Variants in THSD7B observed in about 807,000 individuals in gnomAD.
THSD7B encodes the protein thrombospondin type-1 domain-containing protein 7B.
THSD7B carries 138 observed loss-of-function variants against 213.6 expected under a neutral mutation model. The observed-to-expected ratio is 0.65, with a 90% CI of 0.56 to 0.74. The LOEUF is 0.74. Among genes scored for constraint, THSD7B ranks in the 30% least tolerant of loss-of-function variants. THSD7B has a pLI of 0.00. For missense variants in THSD7B, 1,931 were observed against 1,991.5 expected, an observed-to-expected ratio of 0.97 and a Z score of 0.58; for synonymous variants, 742 against 687.0, an observed-to-expected ratio of 1.08 and a Z score of -1.25.
chr2:137,208,188 G>A (rs1190319562), intron 7 of THSD7B, among the ~76,000 whole-genome samples: 1 of 152,084 alleles, frequency 6.6e-6, no homozygotes, highest in African/African-American at 2.4e-5. Flanking sequence ...AAAGACATAT[G>A]TGATTAACTT....
At chr2:136,769,758 G>T (rs1472584824) in intron 1 of THSD7B, among the ~76,000 whole-genome samples, 1 of 152,136 alleles carries the variant, frequency 6.6e-6, no homozygotes, top group African/African-American at 2.4e-5. Flanking sequence ...ACGTTAAAAA[G>T]AAGAGGTCCA....
intron 3 of THSD7B, 24 bp from the exon 4 acceptor site, chr2:137,094,849 A>G (rs750558970): frequency 1.9e-6 from 3 of 1,604,276 alleles, no homozygotes; most frequent in African/African-American, 1.3e-5. Flanking sequence ...ATGGCCTCCT[A>G]TTTTCTACTT....
chr2:137,629,996 A>ATT (rs5834566), intron 20 of THSD7B, among the ~76,000 whole-genome samples: 1 of 147,782 alleles, frequency 6.8e-6, no homozygotes, highest in Non-Finnish European at 1.5e-5. Context: ...CCCAACTTCA[A>ATT]TTTTTTTTTT....
intron 3 of THSD7B, among the ~76,000 whole-genome samples, chr2:137,076,012 C>A (rs1297649452): frequency 6.6e-6 from 1 of 152,180 alleles, no homozygotes. Flanking sequence ...GGGTGCCTCC[C>A]AGTTAGGCTA....
At chr2:137,045,245 G>T (rs1686949349) in intron 2 of THSD7B, among the ~76,000 whole-genome samples, 1 of 151,138 alleles carries the variant, frequency 6.6e-6, no homozygotes, top group Non-Finnish European at 1.5e-5. Context: ...AACACTTTAT[G>T]ACTCCTCTTT....
chr2:136,987,660 C>T (rs1257316628), intron 2 of THSD7B, among the ~76,000 whole-genome samples: 3 of 152,202 alleles, frequency 2.0e-5, no homozygotes, highest in Admixed American at 6.5e-5. Flanking sequence ...TGCTCCAAGA[C>T]TGGTGTCATA....
intron 2 of THSD7B, among the ~76,000 whole-genome samples, chr2:137,042,987 G>A (rs907529075): frequency 2.6e-5 from 4 of 152,202 alleles, no homozygotes; most frequent in African/African-American, 7.2e-5. Context: ...GCCCAGCTTG[G>A]AAAGGGTAAT....
chr2:137,601,235 A>G (rs1682070890), intron 17 of THSD7B, among the ~76,000 whole-genome samples: 1 of 152,210 alleles, frequency 6.6e-6, no homozygotes, highest in Admixed American at 6.5e-5. Context: ...AAAGTCTACC[A>G]TAGTGTACAG....
rs192989458 is a variant in THSD7B at position 137,150,954 on chromosome 2, C to T, written c.1370-9259C>T. Among the ~76,000 whole-genome samples, 21 of 152,198 alleles carry T rather than the reference C, an allele frequency of 1.4e-4. No individual in the cohort carries two copies. The South Asian group carries it at 2.7e-3, about 20-fold the overall frequency. On this transcript the variant is annotated intron_variant, in intron 5 of 27. Coordinates refer to ENST00000409968, the MANE Select transcript of THSD7B (RefSeq NM_001316349.2). ...AAATACAGTGTAAAAGATTAAAACC[C>T]GGCACATCTGTGTAGGGCACTTACA...
intron 15 of THSD7B, among the ~76,000 whole-genome samples, chr2:137,560,804 A>G (rs575114302): frequency 6.6e-6 from 1 of 152,114 alleles, no homozygotes; most frequent in Non-Finnish European, 1.5e-5. Context: ...GCAGCCCACC[A>G]TGTGTCCCTA....
Position 136,944,596 on chromosome 2 carries a change from C to T in THSD7B, c.139+62279C>T, listed in dbSNP as rs57984351. Among the ~76,000 whole-genome samples, 266 of 151,984 alleles carry T rather than the reference C, an allele frequency of 1.8e-3. 1 individual carries two copies. Among genetic ancestry groups the T allele is most frequent in the African/African-American group, 5.3e-3 (221 of 41,462 alleles). On this transcript the variant is annotated intron_variant, in intron 2 of 27. Transcript: ENST00000409968. ...TTGGGTGCATATATATATTTAGGATCGTTAGCTCTTCTTGTTGAATTGATC... is the reference window on the plus strand; with the variant it reads ...TTGGGTGCATATATATATTTAGGATTGTTAGCTCTTCTTGTTGAATTGATC...
chr2:137,593,910 A>C (rs1345592806), intron 17 of THSD7B, among the ~76,000 whole-genome samples: 2 of 151,930 alleles, frequency 1.3e-5, no homozygotes, highest in East Asian at 3.9e-4. Context: ...GAGTGTTCAC[A>C]TTTAGATATA....
chr2:136,827,806 A>G (rs1196227487), intron 1 of THSD7B, among the ~76,000 whole-genome samples: 1 of 152,170 alleles, frequency 6.6e-6, no homozygotes, highest in Admixed American at 6.5e-5. Context: ...TGAGAGAGAC[A>G]CAGAGAGAGA....
At chr2:137,412,749 C>T (rs1000425351) in intron 14 of THSD7B, among the ~76,000 whole-genome samples, 1 of 151,324 alleles carries the variant, frequency 6.6e-6, no homozygotes. Flanking sequence ...TGTTTTTGAA[C>T]CTTAATTGGG....
chr2:137,032,340 C>T (rs1686691712), intron 2 of THSD7B, among the ~76,000 whole-genome samples: 1 of 152,172 alleles, frequency 6.6e-6, no homozygotes, highest in Non-Finnish European at 1.5e-5. Flanking sequence ...GGCATTTCCT[C>T]AAAAACAGAG....
intron 12 of THSD7B, among the ~76,000 whole-genome samples, chr2:137,357,694 G>T (rs13416045): frequency 0.048 from 7,238 of 152,166 alleles, 524 homozygotes; most frequent in African/African-American, 0.16. Flanking sequence ...CTCTTTTGAG[G>T]ACAATGCATG....
chr2:136,931,744 TAA>T (rs1374915916), intron 2 of THSD7B, among the ~76,000 whole-genome samples: 1 of 152,128 alleles, frequency 6.6e-6, no homozygotes, highest in Non-Finnish European at 1.5e-5. Flanking sequence ...CATTCTACAT[TAA>T]CAATGAAAAA....
At chr2:137,228,482 T>C (rs956731047) in intron 7 of THSD7B, among the ~76,000 whole-genome samples, 2 of 152,198 alleles carry the variant, frequency 1.3e-5, no homozygotes, top group Non-Finnish European at 2.9e-5. Flanking sequence ...AAGGCAGAGA[T>C]ACAATAAAAC....
Position 137,620,745 on chromosome 2 carries a change from T to G in THSD7B, c.3799+19T>G. The G allele has an allele frequency of 6.3e-7, 1 of 1,588,708 alleles. No individual in the cohort carries two copies. The highest frequency in any genetic ancestry group is 8.6e-7 in the Non-Finnish European group (1 of 1,157,650). ...CATGGAGGTATTGGTTTCCCCATAT[T>G]TCCCACTAACTAGTGTAGGTTTCTA... On this transcript the variant is annotated intron_variant, in intron 20 of 27. Coordinates refer to ENST00000409968, the MANE Select transcript of THSD7B (RefSeq NM_001316349.2).
Sources: allele counts gnomAD v4.1 joint callset (sites outside exome capture counted in the v4.1 genomes callset), GRCh38; gene constraint gnomAD v4.1.1; transcripts MANE v1.5; gene names NCBI Gene and HGNC (gene_info 2026-07-23, HGNC 2026-07-21).